Variants in SLC12A6 observed in about 807,000 individuals in gnomAD.
The protein encoded by SLC12A6 is K-Cl cotransporter 3.
Under a neutral mutation model 135.3 loss-of-function variants are expected in SLC12A6, and 66 were observed. The observed-to-expected ratio is 0.49, with a 90% CI of 0.40 to 0.60. The LOEUF (loss-of-function observed/expected upper bound fraction) is 0.60, where lower values mean the gene tolerates loss of function less well. Among genes scored for constraint, SLC12A6 ranks in the 20% least tolerant of loss-of-function variants. SLC12A6 has a pLI of 0.00. For synonymous variants in SLC12A6, 513 were observed against 508.8 expected (o/e 1.01, Z -0.11); for missense variants, 1,058 against 1,452.3 (o/e 0.73, Z 4.41).
chr15:34,294,491 G>A (rs902192200), intron 2 of SLC12A6, among the ~76,000 whole-genome samples: 5 of 152,116 alleles, frequency 3.3e-5, no homozygotes, highest in African/African-American at 7.2e-5. Context: ...TCTTGACCGC[G>A]TGATTCACCC....
chr15:34,337,449 GGGA>G lies in SLC12A6; in HGVS notation c.-193_-191del, dbSNP rs982085770. 2.6e-5 allele frequency: 4 copies of G among 153,308 alleles called. No individual in the cohort carries two copies. The highest frequency in any genetic ancestry group is 9.6e-5 in the African/African-American group (4 of 41,462). The allele number at this position is 153,308 out of a possible 1,614,324, so 9.5% of individuals were successfully genotyped here. A position where few individuals can be genotyped will look rare whatever the true frequency, so the allele number is the denominator to read the frequency against. On this transcript the variant is annotated 5_prime_UTR_variant, in exon 1 of 26. Coordinates refer to ENST00000354181, the MANE Select transcript of SLC12A6 (RefSeq NM_001365088.1). ...CCTAGCAGAAAGGTCCTCGGGGTCT[GGGA>G]GGAGGTTAGCGGATCAAGACACCTC...
At position 34,250,710 on chromosome 15, in the gene SLC12A6, G is replaced by C; in HGVS notation, c.1512C>G (p.Asn504Lys). 1 of 1,602,206 alleles carries C rather than the reference G, an allele frequency of 6.2e-7. No individual in the cohort carries two copies. The highest frequency in any genetic ancestry group is 2.2e-5 in the East Asian group (1 of 44,806). The change falls in exon 12 of 26, where the codon AAC becomes AAG. Residue 504 changes from asparagine to lysine, a missense_variant. This residue lies in a region of SLC12A6 where 297 missense variants were observed against 318.5 expected (regional missense o/e 0.93). Coordinates refer to ENST00000354181, the MANE Select transcript of SLC12A6 (RefSeq NM_001365088.1). ...PSVTGIMAGS[N>K]RSGDLKDAQK... ...GAGCATCTTTCAGATCTCCAGATCT[G>C]TTTGATCCAGCCATGATACCTTTAG...
chr15:34,322,111 C>T (rs943435578), intron 2 of SLC12A6, among the ~76,000 whole-genome samples: 2 of 152,158 alleles, frequency 1.3e-5, no homozygotes, highest in Admixed American at 6.5e-5. Context: ...CTTTGCCGGG[C>T]GTGGTGGCTC....
intron 2 of SLC12A6, chr15:34,314,826 TAA>T (rs566307709): frequency 8.6e-4 from 117 of 135,978 alleles, no homozygotes; most frequent in South Asian, 9.4e-4. Context: ...TGACCAGCCT[TAA>T]AAAAAAAAAA....
intron 2 of SLC12A6, among the ~76,000 whole-genome samples, chr15:34,316,744 G>C (rs1249330771): frequency 1.3e-5 from 2 of 152,140 alleles, no homozygotes; most frequent in African/African-American, 4.8e-5. Flanking sequence ...CAGATTGAAT[G>C]ATTTTAACAC....
At chr15:34,315,274 T>C (rs1244155978) in intron 2 of SLC12A6, among the ~76,000 whole-genome samples, 1 of 152,234 alleles carries the variant, frequency 6.6e-6, no homozygotes, top group African/African-American at 2.4e-5. Flanking sequence ...ACTTCATTGT[T>C]GTTCTATTTT....
chr15:34,332,128 G>T (rs555485447), intron 2 of SLC12A6, among the ~76,000 whole-genome samples: 1 of 152,102 alleles, frequency 6.6e-6, no homozygotes, highest in Non-Finnish European at 1.5e-5. Context: ...TTCCTTTGCC[G>T]TATTTTTGCA....
chr15:34,306,109 T>C (rs1021141659), intron 2 of SLC12A6, among the ~76,000 whole-genome samples: 1 of 152,222 alleles, frequency 6.6e-6, no homozygotes, highest in Non-Finnish European at 1.5e-5. Flanking sequence ...TTATTCTAAG[T>C]GGTTTTTCTC....
chr15:34,312,269 C>A (rs1480007151), intron 2 of SLC12A6, among the ~76,000 whole-genome samples: 1 of 152,192 alleles, frequency 6.6e-6, no homozygotes, highest in East Asian at 1.9e-4. Context: ...GGGATCCTCC[C>A]GTACATCCTA....
chr15:34,241,026 C>T, intron 18 of SLC12A6, 197 bp from the exon 19 acceptor site: 1 of 652,652 alleles, frequency 1.5e-6, no homozygotes, highest in African/African-American at 1.8e-5. Context: ...GATCAGTCTT[C>T]AAGGAAGAAT....
chr15:34,322,240 G>C (rs546784866), intron 2 of SLC12A6, among the ~76,000 whole-genome samples: 53 of 152,236 alleles, frequency 3.5e-4, no homozygotes, highest in African/African-American at 1.2e-3. Context: ...AATTAGCTGG[G>C]CGTGGTGACA....
intron 2 of SLC12A6, among the ~76,000 whole-genome samples, chr15:34,313,063 T>C (rs189781637): frequency 3.9e-5 from 6 of 152,306 alleles, no homozygotes; most frequent in African/African-American, 1.4e-4. Context: ...AATACTGAAA[T>C]TAGGCCAGTT....
chr15:34,235,501 C>A (rs900434945), intron 24 of SLC12A6, among the ~76,000 whole-genome samples, 187 bp from the exon 25 acceptor site: 2 of 140,364 alleles, frequency 1.4e-5, no homozygotes, highest in African/African-American at 5.3e-5. Flanking sequence ...ATGGTACAAT[C>A]TCAGCTCACA....
chr15:34,262,023 C>T (rs1893169423), intron 3 of SLC12A6, among the ~76,000 whole-genome samples: 1 of 152,208 alleles, frequency 6.6e-6, no homozygotes, highest in East Asian at 1.9e-4. Flanking sequence ...GAAAATAAAT[C>T]ATTCTACCAA....
At chr15:34,332,237 G>T (rs11631094) in intron 2 of SLC12A6, among the ~76,000 whole-genome samples, 44,408 of 151,984 alleles carry the variant, frequency 0.29, 6,560 homozygotes, top group South Asian at 0.4. Flanking sequence ...ATTAACGGAT[G>T]CTTTTTCTCT....
In SLC12A6 at chr15:34,337,620, A is replaced by AC; in HGVS notation, c.-362dup. The AC allele has an allele frequency of 6.6e-6, 1 of 151,638 alleles. No homozygotes were observed. The highest frequency in any genetic ancestry group is 1.5e-5 in the Non-Finnish European group (1 of 67,904). The allele number at this position is 151,638 out of a possible 1,614,324, so 9.4% of individuals were successfully genotyped here. A position where few individuals can be genotyped will look rare whatever the true frequency, so the allele number is the denominator to read the frequency against. On this transcript the variant is annotated 5_prime_UTR_variant, in exon 1 of 26. Coordinates refer to ENST00000354181, the MANE Select transcript of SLC12A6 (RefSeq NM_001365088.1). ...CCCTACCCCCGCCCCGGCGCAGGTC[A>AC]CCCCCTCGTCGTTCTTCCTCAGGGT...
At chr15:34,268,841 ATGTTTCTT>A (rs1893701103) in intron 3 of SLC12A6, among the ~76,000 whole-genome samples, 1 of 150,958 alleles carries the variant, frequency 6.6e-6, no homozygotes. Context: ...GATTACTATT[ATGTTTCTT>A]TTTTTCTTTC....
chr15:34,316,184 A>C (rs575167088), intron 2 of SLC12A6, among the ~76,000 whole-genome samples: 2 of 152,236 alleles, frequency 1.3e-5, no homozygotes, highest in Non-Finnish European at 2.9e-5. Flanking sequence ...ATGACACTAC[A>C]TATTTTTCTC....
At chr15:34,268,511 G>A (rs1893679126) in intron 3 of SLC12A6, among the ~76,000 whole-genome samples, 1 of 152,106 alleles carries the variant, frequency 6.6e-6, no homozygotes, top group Non-Finnish European at 1.5e-5. Flanking sequence ...ATCAAGTGTG[G>A]TTATACCAAA....
Sources: gnomAD v4.1 joint callset for allele counts (sites outside exome capture counted in the v4.1 genomes callset) on GRCh38, gnomAD v4.1.1 for gene constraint, gnomAD v4.1.1 regional missense constraint, MANE v1.5 for transcripts, NCBI Gene and HGNC (gene_info 2026-07-23, HGNC 2026-07-21) for gene names.